MTCL3: variants seen among roughly 807,000 people sequenced by gnomAD.
MTCL3 encodes MTCL family member 3.
chr6:127,475,927 G>T, the MTCL3 span: 1 of 1,613,026 alleles, frequency 6.2e-7, no homozygotes, highest in Non-Finnish European at 8.5e-7. This position sits in a 1 kb window ranked among gnomAD's most constrained non-coding sequence, Gnocchi z 7.3. Context: ...CTCCTGCAGG[G>T]CCTCGGTCTT....
the MTCL3 span, among the ~76,000 whole-genome samples, chr6:127,513,849 AT>A: frequency 5.9e-5 from 9 of 151,944 alleles, no homozygotes; most frequent in Non-Finnish European, 1.2e-4. Flanking sequence ...ACATTGTAGG[AT>A]TTTTTTTCCC....
the MTCL3 span, among the ~76,000 whole-genome samples, chr6:127,496,303 TA>T: frequency 6.6e-6 from 1 of 152,204 alleles, no homozygotes; most frequent in Non-Finnish European, 1.5e-5. Context: ...TACTTCTGAT[TA>T]AAATATATCT....
the MTCL3 span, among the ~76,000 whole-genome samples, chr6:127,510,372 A>G: frequency 1.3e-5 from 2 of 152,148 alleles, no homozygotes; most frequent in African/African-American, 2.4e-5. Context: ...GTGTGAGCAA[A>G]AGAATCAAGG....
At chr6:127,483,672 A>G in the MTCL3 span, among the ~76,000 whole-genome samples, 3 of 152,228 alleles carry the variant, frequency 2.0e-5, no homozygotes, top group East Asian at 5.8e-4. Flanking sequence ...TTAAAATTCA[A>G]ACTAACACTT....
the MTCL3 span, among the ~76,000 whole-genome samples, chr6:127,496,560 C>T: frequency 5.3e-5 from 8 of 152,182 alleles, no homozygotes; most frequent in African/African-American, 1.9e-4. Flanking sequence ...CCCAGCCATT[C>T]CAATCTTAGG....
At chr6:127,490,885 A>T in the MTCL3 span, among the ~76,000 whole-genome samples, 1 of 152,164 alleles carries the variant, frequency 6.6e-6, no homozygotes, top group Admixed American at 6.5e-5. Context: ...AGACGGTCAA[A>T]ACATTAACAG....
the MTCL3 span, chr6:127,475,382 G>A: frequency 5.6e-6 from 9 of 1,613,400 alleles, no homozygotes; most frequent in Non-Finnish European, 6.8e-6. This position sits in a 1 kb window ranked among gnomAD's most constrained non-coding sequence, Gnocchi z 7.3. Flanking sequence ...AGCTCCTTGC[G>A]GAAGGCCTTC....
At chr6:127,483,111 A>C in the MTCL3 span, 1 of 679,754 alleles carries the variant, frequency 1.5e-6, no homozygotes, top group Non-Finnish European at 2.3e-6. Flanking sequence ...AATAATCATA[A>C]AAGGAGGAAA....
the MTCL3 span, among the ~76,000 whole-genome samples, chr6:127,512,497 A>C: frequency 3.9e-4 from 59 of 152,240 alleles, no homozygotes; most frequent in African/African-American, 1.3e-3. Context: ...CCATCCTAAA[A>C]ATTCATGGTT....
the MTCL3 span, chr6:127,518,546 C>T: frequency 6.6e-6 from 1 of 152,318 alleles, no homozygotes; most frequent in Admixed American, 6.5e-5. Context: ...CATCATTCAT[C>T]CCCAACCCTT....
the MTCL3 span, chr6:127,515,706 C>G: frequency 9.5e-6 from 15 of 1,578,390 alleles, 1 homozygote; most frequent in Admixed American, 1.8e-4. This position sits in a 1 kb window ranked among gnomAD's most constrained non-coding sequence, Gnocchi z 4.3. Context: ...AGGCGACGGC[C>G]AGGGTCTCGC....
chr6:127,481,976 A>C, the MTCL3 span, among the ~76,000 whole-genome samples: 2 of 152,194 alleles, frequency 1.3e-5, no homozygotes, highest in Non-Finnish European at 2.9e-5. Context: ...CAATCCCACC[A>C]GTGCCATGAC....
At chr6:127,502,617 T>C in the MTCL3 span, among the ~76,000 whole-genome samples, 3 of 152,130 alleles carry the variant, frequency 2.0e-5, no homozygotes, top group South Asian at 2.1e-4. Flanking sequence ...GTAGAAACAG[T>C]TGGGGTCCTA....
chr6:127,516,260 G>A, the MTCL3 span: 1 of 1,472,336 alleles, frequency 6.8e-7, no homozygotes, highest in Non-Finnish European at 8.9e-7. Flanking sequence ...GCCACAGGCT[G>A]GACAGCTCCC....
the MTCL3 span, among the ~76,000 whole-genome samples, chr6:127,498,916 T>A: frequency 6.6e-6 from 1 of 152,130 alleles, no homozygotes; most frequent in Non-Finnish European, 1.5e-5. Flanking sequence ...GGGTTAGAGC[T>A]AAGAACAGAA....
the MTCL3 span, chr6:127,475,263 C>A: frequency 6.4e-7 from 1 of 1,553,586 alleles, no homozygotes. The surrounding 1 kb of genome is among the most constrained non-coding windows in gnomAD (Gnocchi z 7.3). Context: ...GCCTGGCCAC[C>A]GCCGTGGCTC....
the MTCL3 span, among the ~76,000 whole-genome samples, chr6:127,508,431 A>C: frequency 6.6e-6 from 1 of 152,202 alleles, no homozygotes; most frequent in Admixed American, 6.5e-5. Flanking sequence ...TTATAGTACT[A>C]ATTATTTTTG....
chr6:127,476,982 G>A, the MTCL3 span, among the ~76,000 whole-genome samples: 2 of 152,314 alleles, frequency 1.3e-5, no homozygotes, highest in East Asian at 1.9e-4. This position sits in a 1 kb window ranked among gnomAD's most constrained non-coding sequence, Gnocchi z 4.4. Context: ...TTCAGTAACC[G>A]TTCGAAGGTT....
chr6:127,493,686 C>T, the MTCL3 span, among the ~76,000 whole-genome samples: 1 of 152,188 alleles, frequency 6.6e-6, no homozygotes, highest in Non-Finnish European at 1.5e-5. Context: ...GGCTGCCAAA[C>T]TTATTTCATC....
Sources: gnomAD v4.1 joint callset for allele counts (sites outside exome capture counted in the v4.1 genomes callset) on GRCh38, gnomAD v4.1.1 for gene constraint, Gnocchi (gnomAD v3.1) non-coding constraint, MANE v1.5 for transcripts, NCBI Gene and HGNC (gene_info 2026-07-23, HGNC 2026-07-21) for gene names.